NKAIN1: variants seen among roughly 807,000 people sequenced by gnomAD.
NKAIN1 encodes sodium/potassium-transporting ATPase subunit beta-1-interacting protein 1.
In NKAIN1, 13 loss-of-function variants were observed where a neutral mutation model predicts 31.6. That is an observed-to-expected ratio of 0.41 (90% confidence interval 0.27 to 0.65). NKAIN1 has a LOEUF of 0.65. NKAIN1 is among the 30% of genes least tolerant of loss of function. The probability of loss-of-function intolerance (pLI) is 0.30; values close to 1 mark genes in which losing one functional copy is unlikely to be tolerated. For synonymous variants in NKAIN1, 104 were observed against 109.0 expected (o/e 0.95, Z 0.28); for missense variants, 193 against 262.2 (o/e 0.74, Z 1.82).
At chr1:31,202,674 T>TAAA (rs35561378) in intron 1 of NKAIN1, among the ~76,000 whole-genome samples, 3 of 100,966 alleles carry the variant, frequency 3.0e-5, no homozygotes, top group African/African-American at 4.0e-5. Flanking sequence ...AGACTCTGTA[T>TAAA]AAAAAAAAAA....
chr1:31,181,878 T>C lies in NKAIN1; in HGVS notation c.596A>G (p.Gln199Arg), dbSNP rs779377921. 4 of 1,608,204 alleles carry C rather than the reference T, an allele frequency of 2.5e-6. No individual in the cohort carries two copies. The Admixed American group carries it at 6.8e-5, about 27-fold the overall frequency. ...YQAPQKTSHL[Q>R]LQPLYTSG is the part of the protein sequence containing the mutation. ...GACCCACGTGTACAGAGGCTGCAGC[T>C]GTAAATGCGACGTCTTCTGGGGCGC... is the stretch of plus-strand genomic sequence containing the variant. Residue 199 changes from glutamine to arginine, a missense_variant, in exon 6 of 7, where the codon CAG (glutamine) becomes CGG (arginine). Gln to Arg is a conservative substitution (Grantham distance 43, BLOSUM62 1). Transcript: ENST00000373736.
intron 4 of NKAIN1, 42 bp from the exon 5 acceptor site, chr1:31,182,632 G>A (rs1313063209): frequency 1.2e-6 from 2 of 1,608,888 alleles, no homozygotes; most frequent in Non-Finnish European, 8.5e-7. Context: ...GGAGGAGTGG[G>A]AACCTCTTCC....
At chr1:31,237,516 T>C (rs78119552) in intron 1 of NKAIN1, among the ~76,000 whole-genome samples, 11 of 152,098 alleles carry the variant, frequency 7.2e-5, no homozygotes, top group African/African-American at 2.7e-4. Context: ...TTTTTTTTTT[T>C]TGAGACACAG....
intron 1 of NKAIN1, among the ~76,000 whole-genome samples, chr1:31,218,057 TTTCTTTCTTTC>T (rs1187567958): frequency 1.4e-5 from 2 of 143,508 alleles, no homozygotes; most frequent in African/African-American, 5.2e-5. Flanking sequence ...TCTTTCTTTC[TTTCTTTCTTTC>T]TTTTTTTTTT....
At chr1:31,214,169 T>A (rs1645492795) in intron 1 of NKAIN1, among the ~76,000 whole-genome samples, 1 of 152,060 alleles carries the variant, frequency 6.6e-6, no homozygotes, top group Non-Finnish European at 1.5e-5. Flanking sequence ...AGGTGAAGGA[T>A]AACAGTCACA....
chr1:31,188,238 CAGG>C, intron 1 of NKAIN1, 51 bp from the exon 2 acceptor site: 1 of 1,539,810 alleles, frequency 6.5e-7, no homozygotes. Flanking sequence ...AAGGGAAGGA[CAGG>C]GATTCCTGCT....
At chr1:31,183,720 T>C in intron 4 of NKAIN1, 97 bp downstream of exon 4, 12 of 1,304,532 alleles carry the variant, frequency 9.2e-6, no homozygotes, top group Non-Finnish European at 1.3e-5. Context: ...AGTGCTGGGA[T>C]TGCAGGCGTG....
intron 1 of NKAIN1, among the ~76,000 whole-genome samples, chr1:31,228,202 G>A (rs527854441): frequency 3.3e-5 from 5 of 152,320 alleles, no homozygotes; most frequent in African/African-American, 9.6e-5. Flanking sequence ...TTGTGTAATT[G>A]AAAACCCACA....
At chr1:31,201,013 A>C (rs896969165) in intron 1 of NKAIN1, among the ~76,000 whole-genome samples, 49 of 151,568 alleles carry the variant, frequency 3.2e-4, no homozygotes, top group African/African-American at 1.1e-3. Flanking sequence ...TTGTATTTTT[A>C]GTAGAGACAG....
chr1:31,231,248 GA>G (rs1157430695), intron 1 of NKAIN1, among the ~76,000 whole-genome samples: 1 of 150,986 alleles, frequency 6.6e-6, no homozygotes, highest in East Asian at 1.9e-4. Context: ...TCAAAGACAA[GA>G]TTTATTCATC....
At chr1:31,238,815 G>A in intron 1 of NKAIN1, among the ~76,000 whole-genome samples, 1 of 152,164 alleles carries the variant, frequency 6.6e-6, no homozygotes, top group East Asian at 1.9e-4. Context: ...GGCTGGCCCA[G>A]GATCTGGCAG....
chr1:31,224,881 C>A (rs189367681), intron 1 of NKAIN1, among the ~76,000 whole-genome samples: 15 of 152,218 alleles, frequency 9.9e-5, no homozygotes, highest in Admixed American at 2.0e-4. Context: ...GGAGGGGCAA[C>A]CTGAGGGGGG....
At chr1:31,215,664 G>A (rs543491845) in intron 1 of NKAIN1, among the ~76,000 whole-genome samples, 7 of 152,168 alleles carry the variant, frequency 4.6e-5, no homozygotes, top group South Asian at 2.1e-4. Context: ...GTAATCCATC[G>A]TATATGAGGG....
At chr1:31,186,206 T>C (rs1384000321) in intron 2 of NKAIN1, among the ~76,000 whole-genome samples, 1 of 151,534 alleles carries the variant, frequency 6.6e-6, no homozygotes. Context: ...CTATTAAAAA[T>C]ACAAAATTAG....
rs1645424591 is a variant in NKAIN1, at chr1:31,206,364, C to T, written c.55-18177G>A. The stretch of plus-strand genomic sequence containing the variant: ...AGAAGTTAGAGAACTGAGTAAATCA[C>T]AACCATGAAAGCAAGTTATATAGTA... On this transcript the variant is annotated intron_variant, in intron 1 of 6. Coordinates refer to ENST00000373736, the MANE Select transcript of NKAIN1 (RefSeq NM_024522.3). 3.3e-5 allele frequency among the ~76,000 whole-genome samples: 5 copies of T among 151,620 alleles called. No individual in the cohort carries two copies. The East Asian group carries it at 9.6e-4, about 29-fold the overall frequency.
At chr1:31,205,613 G>GTTTTTT (rs761138403) in intron 1 of NKAIN1, among the ~76,000 whole-genome samples, 14 of 96,530 alleles carry the variant, frequency 1.5e-4, no homozygotes, top group Admixed American at 2.7e-4. Flanking sequence ...AGCCGGACAA[G>GTTTTTT]TTTTTTTTTT....
At chr1:31,182,496 A>G (rs758717195) in intron 5 of NKAIN1, 34 bp downstream of exon 5, 9 of 1,612,590 alleles carry the variant, frequency 5.6e-6, no homozygotes, top group Middle Eastern at 3.3e-4. Flanking sequence ...GCGCAGGGCC[A>G]GATTCCCCAC....
intron 1 of NKAIN1, among the ~76,000 whole-genome samples, chr1:31,214,879 C>T (rs1361651834): frequency 2.6e-5 from 4 of 152,188 alleles, no homozygotes; most frequent in African/African-American, 7.2e-5. Flanking sequence ...CTGGAGGGGC[C>T]GTCATGCCCT....
chr1:31,235,716 C>T (rs1240772438), intron 1 of NKAIN1, among the ~76,000 whole-genome samples: 1 of 152,166 alleles, frequency 6.6e-6, no homozygotes, highest in Non-Finnish European at 1.5e-5. Context: ...GGCAGGATCC[C>T]AGCGAGCCAG....
Sources: allele counts gnomAD v4.1 joint callset (sites outside exome capture counted in the v4.1 genomes callset), GRCh38; gene constraint gnomAD v4.1.1; transcripts MANE v1.5; gene names NCBI Gene and HGNC (gene_info 2026-07-23, HGNC 2026-07-21).